Variants in VTCN1 observed in about 807,000 individuals in gnomAD.
VTCN1 encodes V-set domain-containing T-cell activation inhibitor 1.
In VTCN1, 26 loss-of-function variants were observed where a neutral mutation model predicts 26.5. That is an observed-to-expected ratio of 0.98 (90% CI 0.72 to 1.36). The LOEUF (loss-of-function observed/expected upper bound fraction) is 1.36, where lower values mean the gene tolerates loss of function less well. Ranked by LOEUF, VTCN1 falls within the 40% of genes most tolerant of loss-of-function variation. VTCN1 has a pLI of 0.00. For synonymous variants in VTCN1, 116 were observed against 130.7 expected, an observed-to-expected ratio of 0.89 and a Z score of 0.77; for missense variants, 298 against 337.7, an observed-to-expected ratio of 0.88 and a Z score of 0.92.
Position 117,206,959 on chromosome 1 carries a change from T to C in VTCN1, c.32+3865A>G, listed in dbSNP as rs149061917. ...ACTCAGAAGGTTCTGAAGGCTCAGA[T>C]TTTATAGGCTCAGGGAAGCTGAAAG... On this transcript the variant is annotated intron_variant, in intron 1 of 5. Coordinates refer to ENST00000369458, the MANE Select transcript of VTCN1 (RefSeq NM_024626.4). Among the ~76,000 whole-genome samples, 784 of 152,230 alleles carry C rather than the reference T, an allele frequency of 5.2e-3. 3 individuals are homozygous for C. The highest frequency in any genetic ancestry group is 0.018 in the African/African-American group (743 of 41,538).
chr1:117,188,896 T>A (rs1648098815), intron 1 of VTCN1, among the ~76,000 whole-genome samples: 1 of 152,212 alleles, frequency 6.6e-6, no homozygotes, highest in African/African-American at 2.4e-5. Flanking sequence ...TAAACACACA[T>A]TTAGAAATCT....
rs1285562233 is a variant in VTCN1 at position 117,144,685 on chromosome 1, G to A, written c.*586C>T. ...CTTTGGCATTTGTCAGTTGGGAAGA[G>A]AAGCCAAGGCACCTTTGGAAGCATC... is the stretch of plus-strand genomic sequence containing the variant. On this transcript the variant is annotated 3_prime_UTR_variant, in exon 6 of 6. Coordinates refer to ENST00000369458, the MANE Select transcript of VTCN1 (RefSeq NM_024626.4). 6.6e-6 allele frequency: 1 copy of A among 152,558 alleles called. No individual in the cohort carries two copies. Among genetic ancestry groups the A allele is most frequent in the Middle Eastern group, 3.2e-3 (1 of 316 alleles). The allele number at this position is 152,558 out of a possible 1,614,324, so 9.5% of individuals were successfully genotyped here. A position where few individuals can be genotyped will look rare whatever the true frequency, so the allele number is the denominator to read the frequency against.
intron 3 of VTCN1, 29 bp from the exon 4 acceptor site, chr1:117,153,398 A>T: frequency 3.8e-6 from 6 of 1,582,956 alleles, no homozygotes; most frequent in Non-Finnish European, 4.3e-6. Flanking sequence ...GAAAGGGCAG[A>T]TGCCAAAGTC....
intron 1 of VTCN1, among the ~76,000 whole-genome samples, chr1:117,186,825 C>A (rs571604378): frequency 6.6e-6 from 1 of 151,774 alleles, no homozygotes; most frequent in East Asian, 1.9e-4. Flanking sequence ...GCCAGGAGTT[C>A]GAGACCAGCC....
At chr1:117,173,214 G>A (rs775831140) in intron 1 of VTCN1, 2 of 716,192 alleles carry the variant, frequency 2.8e-6, no homozygotes, top group South Asian at 3.0e-5. Flanking sequence ...CATTCTTGAA[G>A]TCAGCAAGAC....
intron 1 of VTCN1, among the ~76,000 whole-genome samples, chr1:117,205,157 T>TATATGGAG (rs112844786): frequency 7.2e-6 from 1 of 137,994 alleles, no homozygotes; most frequent in Non-Finnish European, 1.5e-5. Context: ...TATATATATA[T>TATATGGAG]AGAGAGAGAG....
intron 2 of VTCN1, among the ~76,000 whole-genome samples, chr1:117,164,687 G>T (rs1415628865): frequency 6.6e-6 from 1 of 152,172 alleles, no homozygotes; most frequent in East Asian, 1.9e-4. Context: ...CAGTTAGTGT[G>T]AGCGCTGAGA....
chr1:117,197,035 A>C (rs1374653216), intron 1 of VTCN1, among the ~76,000 whole-genome samples: 1 of 152,190 alleles, frequency 6.6e-6, no homozygotes, highest in African/African-American at 2.4e-5. Context: ...AAAATTGTGA[A>C]GCTAGCAGGA....
At chr1:117,150,961 A>G (rs1298770481) in intron 4 of VTCN1, among the ~76,000 whole-genome samples, 1 of 152,010 alleles carries the variant, frequency 6.6e-6, no homozygotes, top group African/African-American at 2.4e-5. Flanking sequence ...TTCCTTTTTG[A>G]GCCTGAATGG....
In VTCN1 at chr1:117,183,664, A is replaced by C. The variant is rs1647782303; in HGVS notation, c.33-13493T>G. On this transcript the variant is annotated intron_variant, in intron 1 of 5. Coordinates refer to ENST00000369458, the MANE Select transcript of VTCN1 (RefSeq NM_024626.4). This position sits in a 1 kb window ranked among gnomAD's most constrained non-coding sequence, Gnocchi z 4.1. ...TTTCTCTCCACAAACAAGGGGCAAA[A>C]TAGAAGTGTTTCTCTAAAAGAGAAA... 6.6e-6 allele frequency among the ~76,000 whole-genome samples: 1 copy of C among 152,238 alleles called. No homozygotes were observed. Among genetic ancestry groups the C allele is most frequent in the African/African-American group, 2.4e-5 (1 of 41,462 alleles).
At chr1:117,187,222 G>T (rs1456862748) in intron 1 of VTCN1, among the ~76,000 whole-genome samples, 1 of 142,758 alleles carries the variant, frequency 7.0e-6, no homozygotes, top group East Asian at 2.3e-4. Flanking sequence ...GAGGTGTGAG[G>T]ATTGCTTGAG....
chr1:117,173,289 C>T lies in VTCN1; in HGVS notation c.33-3118G>A, dbSNP rs989614174. ...CAGATGTAGTTAGTTAAGGTCATAC[C>T]AGAGTAGGGTAGTGGTTAATTCCTA... On this transcript the variant is annotated intron_variant, in intron 1 of 5. Coordinates refer to ENST00000369458, the MANE Select transcript of VTCN1 (RefSeq NM_024626.4). 6.7e-5 allele frequency: 44 copies of T among 660,618 alleles called. No homozygotes were observed. The East Asian group carries it at 1.2e-3, about 18-fold the overall frequency. 40.9% of individuals were successfully genotyped at this position (660,618 alleles called of 1,614,324 possible).
At chr1:117,189,042 G>A (rs945088802) in intron 1 of VTCN1, among the ~76,000 whole-genome samples, 17 of 152,174 alleles carry the variant, frequency 1.1e-4, no homozygotes, top group South Asian at 8.3e-4. Context: ...TCAGCCTGGC[G>A]GAAAAGTTTA....
intron 2 of VTCN1, among the ~76,000 whole-genome samples, chr1:117,163,522 AAAC>A (rs1652472934): frequency 6.6e-6 from 1 of 152,248 alleles, no homozygotes; most frequent in African/African-American, 2.4e-5. Context: ...GAGGTAAGGA[AAAC>A]AACATTTCAC....
At chr1:117,172,498 T>TGTC in intron 1 of VTCN1, 1 of 518,542 alleles carries the variant, frequency 1.9e-6, no homozygotes, top group East Asian at 5.4e-5. Flanking sequence ...TGTCTTTGAC[T>TGTC]ACTGACACAG....
At chr1:117,180,887 T>G (rs570988399) in intron 1 of VTCN1, among the ~76,000 whole-genome samples, 1 of 152,338 alleles carries the variant, frequency 6.6e-6, no homozygotes, top group South Asian at 2.1e-4. Flanking sequence ...CTGGAATGGA[T>G]GCAACAAAAA....
chr1:117,154,783 C>CAAAAAAA (rs916361996), intron 3 of VTCN1, among the ~76,000 whole-genome samples: 3 of 39,896 alleles, frequency 7.5e-5, no homozygotes, highest in Non-Finnish European at 5.5e-5. Context: ...AACTCCATCT[C>CAAAAAAA]AAAAAAAAAA....
At chr1:117,195,215 T>G (rs1329760888) in intron 1 of VTCN1, among the ~76,000 whole-genome samples, 4 of 151,178 alleles carry the variant, frequency 2.6e-5, no homozygotes. Context: ...TGAGCAGAGA[T>G]CACACCACTG....
At chr1:117,150,676 T>C (rs200398530) in intron 4 of VTCN1, among the ~76,000 whole-genome samples, 1 of 152,368 alleles carries the variant, frequency 6.6e-6, no homozygotes, top group African/African-American at 2.4e-5. Context: ...TACAGTTCAG[T>C]AGTGTTAAGT....
Sources: gnomAD v4.1 joint callset for allele counts (sites outside exome capture counted in the v4.1 genomes callset) on GRCh38, gnomAD v4.1.1 for gene constraint, Gnocchi (gnomAD v3.1) non-coding constraint, MANE v1.5 for transcripts, NCBI Gene and HGNC (gene_info 2026-07-23, HGNC 2026-07-21) for gene names.